Variants in VAV2 observed in about 807,000 individuals in gnomAD.
The protein encoded by VAV2 is vav guanine nucleotide exchange factor 2, also known as guanine nucleotide exchange factor VAV2.
A neutral mutation model predicts 132.5 loss-of-function variants in VAV2; 67 were observed. That is an observed-to-expected ratio of 0.51 (90% confidence interval 0.42 to 0.62). VAV2 has a LOEUF of 0.62. Ranked by LOEUF, VAV2 falls within the 20% of genes least tolerant of loss-of-function variation. The probability of loss-of-function intolerance (pLI) is 0.00; values close to 1 mark genes in which losing one functional copy is unlikely to be tolerated. For missense variants in VAV2, 938 were observed against 1,153.6 expected (o/e 0.81, Z 2.71); for synonymous variants, 492 against 443.5 (o/e 1.11, Z -1.37).
chr9:133,859,132 C>T (rs924226207), intron 3 of VAV2, among the ~76,000 whole-genome samples: 2 of 152,172 alleles, frequency 1.3e-5, no homozygotes, highest in African/African-American at 4.8e-5. Context: ...CCACCCCGGG[C>T]CTCAAAGGGC....
intron 3 of VAV2, among the ~76,000 whole-genome samples, chr9:133,846,877 G>A (rs1836955404): frequency 1.3e-5 from 2 of 152,244 alleles, no homozygotes; most frequent in Non-Finnish European, 2.9e-5. Context: ...CCAGGCCACT[G>A]GGCAGGGGCT....
rs184117025 is a variant in VAV2 at position 133,978,365 on chromosome 9, C to T, written c.204+13710G>A. On this transcript the variant is annotated intron_variant, in intron 1 of 29. Coordinates refer to ENST00000371850, the MANE Select transcript of VAV2 (RefSeq NM_001134398.2). ...TCCTTAACAACAGAAGACAGGCAGG[C>T]ACCCCCTCCCCACCCCTATGCAGAT... Among the ~76,000 whole-genome samples, 80 of 152,340 alleles carry T rather than the reference C, an allele frequency of 5.3e-4. 3 individuals carry two copies. The East Asian group carries it at 0.015, about 29-fold the overall frequency.
At chr9:133,915,053 C>T (rs1840027909) in intron 2 of VAV2, among the ~76,000 whole-genome samples, 1 of 152,152 alleles carries the variant, frequency 6.6e-6, no homozygotes, top group African/African-American at 2.4e-5. Context: ...ATCTTGAAAA[C>T]ACCAAGGAGT....
At chr9:133,865,137 C>G (rs1837750510) in intron 2 of VAV2, among the ~76,000 whole-genome samples, 1 of 152,210 alleles carries the variant, frequency 6.6e-6, no homozygotes, top group South Asian at 2.1e-4. Flanking sequence ...TACTTTACTG[C>G]ACCAAGTTTC....
chr9:133,789,827 T>C (rs973882652), intron 13 of VAV2, among the ~76,000 whole-genome samples: 7 of 152,256 alleles, frequency 4.6e-5, no homozygotes, highest in Admixed American at 2.0e-4. Context: ...GTTGTCTGTC[T>C]GGTTTTGTCT....
intron 2 of VAV2, among the ~76,000 whole-genome samples, chr9:133,908,791 C>A (rs550845755): frequency 2.4e-4 from 36 of 152,246 alleles, no homozygotes; most frequent in Non-Finnish European, 4.6e-4. Context: ...CAGGAGCAGG[C>A]CCCCTCGGGA....
At chr9:133,779,000 C>G in intron 21 of VAV2, 111 bp from the exon 22 acceptor site, 1 of 1,418,314 alleles carries the variant, frequency 7.1e-7, no homozygotes, top group Non-Finnish European at 9.6e-7. Flanking sequence ...CCAGCACACA[C>G]AGCCTTGCGC....
At chr9:133,981,876 A>G (rs538653619) in intron 1 of VAV2, among the ~76,000 whole-genome samples, 3 of 152,298 alleles carry the variant, frequency 2.0e-5, no homozygotes, top group Non-Finnish European at 2.9e-5. Flanking sequence ...GACTGCCCCA[A>G]GGGCGGGGGT....
At chr9:133,956,478 G>A (rs768938706) in intron 1 of VAV2, among the ~76,000 whole-genome samples, 4 of 151,944 alleles carry the variant, frequency 2.6e-5, no homozygotes, top group Non-Finnish European at 5.9e-5. Context: ...GTTTCGTTTT[G>A]TTTTTTTTCC....
chr9:133,894,413 T>A (rs1839113065), intron 2 of VAV2, among the ~76,000 whole-genome samples: 1 of 152,166 alleles, frequency 6.6e-6, no homozygotes, highest in African/African-American at 2.4e-5. Context: ...ACAGGAACAC[T>A]GTGGCCACAG....
At chr9:133,851,925 AT>A (rs1837199553) in intron 3 of VAV2, among the ~76,000 whole-genome samples, 1 of 150,938 alleles carries the variant, frequency 6.6e-6, no homozygotes. Flanking sequence ...GGATGGATGG[AT>A]GGATGGATGG....
At chr9:133,929,029 T>C (rs1249255883) in intron 2 of VAV2, among the ~76,000 whole-genome samples, 1 of 152,204 alleles carries the variant, frequency 6.6e-6, no homozygotes, top group African/African-American at 2.4e-5. Context: ...CGGCACCATC[T>C]GGAATCTCCC....
intron 12 of VAV2, among the ~76,000 whole-genome samples, chr9:133,793,084 T>C (rs868082189): frequency 1.3e-5 from 2 of 151,960 alleles, no homozygotes; most frequent in Non-Finnish European, 2.9e-5. Context: ...CTGGACAGAA[T>C]GAGGGGTCAG....
chr9:133,939,316 G>T (rs148765092), intron 1 of VAV2, 97 bp from the exon 2 acceptor site: 57 of 1,082,786 alleles, frequency 5.3e-5, no homozygotes, highest in African/African-American at 7.7e-5. Flanking sequence ...TCTGGCTTCC[G>T]TGCGCCAGCA....
At chr9:133,827,042 G>A (rs1836017777) in intron 4 of VAV2, among the ~76,000 whole-genome samples, 1 of 152,180 alleles carries the variant, frequency 6.6e-6, no homozygotes, top group African/African-American at 2.4e-5. Context: ...CAGCCTCAGT[G>A]AACAGAAAAT....
intron 13 of VAV2, among the ~76,000 whole-genome samples, chr9:133,791,203 C>T (rs866940200): frequency 1.1e-4 from 16 of 152,194 alleles, no homozygotes; most frequent in Admixed American, 3.9e-4. Flanking sequence ...CATCCCCTCT[C>T]CCCAGGCAGG....
intron 2 of VAV2, among the ~76,000 whole-genome samples, chr9:133,900,099 G>A (rs1226831415): frequency 3.3e-5 from 5 of 151,516 alleles, no homozygotes; most frequent in Admixed American, 6.6e-5. Context: ...CTCGGGAGGC[G>A]AAGGCAGGAA....
At chr9:133,937,847 G>C (rs975123565) in intron 2 of VAV2, among the ~76,000 whole-genome samples, 2 of 152,200 alleles carry the variant, frequency 1.3e-5, no homozygotes, top group African/African-American at 4.8e-5. Context: ...AGGGGGCTCA[G>C]TGAGTCATTT....
In VAV2 at chr9:133,969,481, G is replaced by A. The variant is rs1215701257; in HGVS notation, c.204+22594C>T. ...GACACCAACCAGCATCAGCACCACT[G>A]AGACAAGAAGCCTGAGGCCAACCAG... On this transcript the variant is annotated intron_variant, in intron 1 of 29. Transcript: ENST00000371850. The surrounding 1 kb of genome is among the most constrained non-coding windows in gnomAD (Gnocchi z 5.1). Among the ~76,000 whole-genome samples the A allele has an allele frequency of 2.0e-5, 3 of 152,138 alleles. No individual in the cohort carries two copies. Among genetic ancestry groups the A allele is most frequent in the Admixed American group, 2.0e-4 (3 of 15,274 alleles).
Sources: gnomAD v4.1 joint callset for allele counts (sites outside exome capture counted in the v4.1 genomes callset) on GRCh38, gnomAD v4.1.1 for gene constraint, Gnocchi (gnomAD v3.1) non-coding constraint, MANE v1.5 for transcripts, NCBI Gene and HGNC (gene_info 2026-07-23, HGNC 2026-07-21) for gene names.